COL8A1: variants seen among roughly 807,000 people sequenced by gnomAD.
The protein encoded by COL8A1 is collagen alpha-1(VIII) chain.
A neutral mutation model predicts 42.7 loss-of-function variants in COL8A1; 21 were observed. The observed-to-expected ratio is 0.49, with a 90% CI of 0.35 to 0.71. The LOEUF is 0.71. Among genes scored for constraint, COL8A1 ranks in the 30% least tolerant of loss-of-function variants. The pLI, the probability that COL8A1 is intolerant of heterozygous loss-of-function variation, is 0.01. For missense variants in COL8A1, 788 were observed against 962.4 expected (o/e 0.82, Z 2.40); for synonymous variants, 367 against 369.1 (o/e 0.99, Z 0.06).
chr3:99,779,162 A>G (rs1353260048), intron 2 of COL8A1, among the ~76,000 whole-genome samples: 1 of 152,232 alleles, frequency 6.6e-6, no homozygotes, highest in African/African-American at 2.4e-5. Context: ...CACTATGTAT[A>G]AAAAGAAGTA....
intron 1 of COL8A1, among the ~76,000 whole-genome samples, chr3:99,698,321 G>A (rs1939438877): frequency 6.6e-6 from 1 of 152,060 alleles, no homozygotes; most frequent in African/African-American, 2.4e-5. Context: ...TAATCCTTTG[G>A]GTATATACCC....
intron 1 of COL8A1, among the ~76,000 whole-genome samples, chr3:99,692,692 G>T (rs749260240): frequency 6.6e-6 from 1 of 152,212 alleles, no homozygotes; most frequent in South Asian, 2.1e-4. Flanking sequence ...ATATAAAGAC[G>T]TTTTGGTCAA....
intron 1 of COL8A1, among the ~76,000 whole-genome samples, chr3:99,717,582 A>G (rs576713177): frequency 6.6e-6 from 1 of 152,176 alleles, no homozygotes; most frequent in South Asian, 2.1e-4. Flanking sequence ...AAAATGGTCG[A>G]AACTTATTTC....
chr3:99,738,662 T>C (rs1020148570), intron 1 of COL8A1, among the ~76,000 whole-genome samples: 1 of 152,244 alleles, frequency 6.6e-6, no homozygotes, highest in Non-Finnish European at 1.5e-5. Context: ...CTGCAGGAGT[T>C]ACTGCTGTCT....
At chr3:99,736,751 C>A (rs1347596446) in intron 1 of COL8A1, among the ~76,000 whole-genome samples, 4 of 151,822 alleles carry the variant, frequency 2.6e-5, no homozygotes, top group Non-Finnish European at 5.9e-5. Flanking sequence ...ATTAGGTCCG[C>A]TTGGTGCAGA....
intron 1 of COL8A1, among the ~76,000 whole-genome samples, chr3:99,710,495 G>A (rs184447141): frequency 6.6e-5 from 10 of 152,290 alleles, no homozygotes; most frequent in Admixed American, 6.5e-4. Flanking sequence ...GTTGCCAGTG[G>A]CCCATAAGCA....
At chr3:99,718,183 C>G (rs895688405) in intron 1 of COL8A1, among the ~76,000 whole-genome samples, 9 of 152,000 alleles carry the variant, frequency 5.9e-5, no homozygotes, top group African/African-American at 1.9e-4. Context: ...ATTGAGAACA[C>G]AGTAGTCCAC....
At chr3:99,723,064 A>G (rs1940203233) in intron 1 of COL8A1, among the ~76,000 whole-genome samples, 1 of 151,862 alleles carries the variant, frequency 6.6e-6, no homozygotes, top group African/African-American at 2.4e-5. Flanking sequence ...AAATGAAGTC[A>G]TATACATTCA....
intron 1 of COL8A1, among the ~76,000 whole-genome samples, chr3:99,684,661 A>G (rs1360345579): frequency 6.6e-6 from 1 of 152,202 alleles, no homozygotes; most frequent in Non-Finnish European, 1.5e-5. Context: ...TTAATGATGG[A>G]ATCATTTCTT....
intron 1 of COL8A1, among the ~76,000 whole-genome samples, chr3:99,649,633 C>A (rs1937774394): frequency 6.6e-6 from 1 of 152,132 alleles, no homozygotes; most frequent in East Asian, 1.9e-4. Context: ...ATCCTGATTT[C>A]TTTAGGACTT....
chr3:99,742,441 T>G (rs1576459297), intron 1 of COL8A1, among the ~76,000 whole-genome samples: 1 of 152,234 alleles, frequency 6.6e-6, no homozygotes, highest in Admixed American at 6.5e-5. Context: ...TGCTTGAATA[T>G]TAAATAATTT....
rs762595727 is a variant in COL8A1, at chr3:99,795,066, C to T, written c.1165C>T (p.Pro389Ser). ...AGGTGCCCCAGGAATAGGGGGTCCTCCAGGAGAGCCAGGCCTGCCTGGAAT... is the reference window on the plus strand; with the variant it reads ...AGGTGCCCCAGGAATAGGGGGTCCTTCAGGAGAGCCAGGCCTGCCTGGAAT... ...PIGAPGIGGP[P>S]GEPGLPGIPG... is the part of the protein sequence containing the mutation. The change falls in exon 4 of 4, where the codon CCA becomes TCA. Residue 389 changes from proline to serine, a missense_variant. Physicochemically the swap from Pro to Ser is moderately conservative, Grantham distance 74. Coordinates refer to ENST00000652472, the MANE Select transcript of COL8A1 (RefSeq NM_020351.4). 3.7e-6 allele frequency: 6 copies of T among 1,610,592 alleles called. No homozygotes were observed. The highest frequency in any genetic ancestry group is 5.1e-6 in the Non-Finnish European group (6 of 1,178,462).
chr3:99,645,696 T>TAAA (rs58309537), intron 1 of COL8A1, among the ~76,000 whole-genome samples: 7 of 141,942 alleles, frequency 4.9e-5, no homozygotes, highest in African/African-American at 1.8e-4. Flanking sequence ...GTTTTCTTTT[T>TAAA]AAAAAAAAAA....
chr3:99,788,117 A>T (rs1250587618), intron 2 of COL8A1, among the ~76,000 whole-genome samples: 2 of 152,216 alleles, frequency 1.3e-5, no homozygotes, highest in Non-Finnish European at 1.5e-5. Context: ...CACTTTGACC[A>T]CCAAAAATAT....
chr3:99,664,132 C>A (rs1014464187), intron 1 of COL8A1, among the ~76,000 whole-genome samples: 2 of 152,222 alleles, frequency 1.3e-5, no homozygotes, highest in African/African-American at 4.8e-5. Context: ...CATGGTTAAA[C>A]AGAATCCACT....
intron 1 of COL8A1, among the ~76,000 whole-genome samples, chr3:99,677,451 C>T (rs986050364): frequency 6.6e-6 from 1 of 152,000 alleles, no homozygotes; most frequent in African/African-American, 2.4e-5. Context: ...CCACAGAAGC[C>T]TTGGTTTTAA....
chr3:99,690,950 C>A (rs1377466732), intron 1 of COL8A1, among the ~76,000 whole-genome samples: 1 of 152,158 alleles, frequency 6.6e-6, no homozygotes, highest in Non-Finnish European at 1.5e-5. Flanking sequence ...CAGTTGACCC[C>A]TGAACAATGT....
chr3:99,649,489 C>T (rs1431045780), intron 1 of COL8A1, among the ~76,000 whole-genome samples: 1 of 152,090 alleles, frequency 6.6e-6, no homozygotes, highest in African/African-American at 2.4e-5. Flanking sequence ...ACAATTTGGC[C>T]TAAGTTCATT....
chr3:99,728,954 T>G (rs1940420329), intron 1 of COL8A1, among the ~76,000 whole-genome samples: 1 of 152,028 alleles, frequency 6.6e-6, no homozygotes, highest in Non-Finnish European at 1.5e-5. Context: ...TTAGAAGACC[T>G]CTGACCATGT....
Sources: gnomAD v4.1 joint callset for allele counts (sites outside exome capture counted in the v4.1 genomes callset) on GRCh38, gnomAD v4.1.1 for gene constraint, MANE v1.5 for transcripts, NCBI Gene and HGNC (gene_info 2026-07-23, HGNC 2026-07-21) for gene names.